SYNPO2: variants seen among roughly 807,000 people sequenced by gnomAD.
SYNPO2 encodes synaptopodin-2.
In SYNPO2, 56 loss-of-function variants were observed where a neutral mutation model predicts 85.0. The observed-to-expected ratio is 0.66, with a 90% CI of 0.53 to 0.82. The LOEUF is 0.82. SYNPO2 is among the 40% of genes least tolerant of loss of function. SYNPO2 has a pLI of 0.00. For missense variants in SYNPO2, 1,575 were observed against 1,534.2 expected (o/e 1.03, Z -0.44); for synonymous variants, 602 against 591.1 (o/e 1.02, Z -0.27).
chr4:119,004,638 T>G (rs2149174870), intron 1 of SYNPO2, among the ~76,000 whole-genome samples: 1 of 145,858 alleles, frequency 6.9e-6, no homozygotes, highest in East Asian at 2.0e-4. Flanking sequence ...GTTGGACATT[T>G]GGGTTGGTTC....
In SYNPO2 at chr4:119,057,983, G is replaced by C; in HGVS notation, c.*49G>C. 6.5e-7 allele frequency: 1 copy of C among 1,544,032 alleles called. No homozygotes were observed. The highest frequency in any genetic ancestry group is 1.4e-5 in the African/African-American group (1 of 72,134). On this transcript the variant is annotated 3_prime_UTR_variant, in exon 5 of 5. Transcript: ENST00000307142. The stretch of plus-strand genomic sequence containing the variant: ...CCAACTGTAGTTTTTTAAAAAAAAC[G>C]CTCCTTTGTAGGGTTTTAAACTTTT...
intron 1 of SYNPO2, among the ~76,000 whole-genome samples, chr4:118,987,131 A>G (rs549500983): frequency 5.3e-5 from 8 of 152,380 alleles, no homozygotes; most frequent in African/African-American, 1.7e-4. Context: ...CTAAATGGAC[A>G]CAGGAAAATG....
intron 1 of SYNPO2, among the ~76,000 whole-genome samples, chr4:118,911,824 C>G (rs74575090): frequency 6.6e-6 from 1 of 152,132 alleles, no homozygotes. Context: ...CAACTCCCCC[C>G]CTCCAATCCC....
chr4:118,974,184 A>G (rs888926023), intron 1 of SYNPO2, among the ~76,000 whole-genome samples: 5 of 152,252 alleles, frequency 3.3e-5, no homozygotes, highest in African/African-American at 1.2e-4. Context: ...TTAGTGCTCA[A>G]AGGGAATCAG....
chr4:119,041,432 A>C (rs12507195), intron 4 of SYNPO2, among the ~76,000 whole-genome samples: 146,665 of 152,210 alleles, frequency 0.96, 70,820 homozygotes, highest in Non-Finnish European at 1. Context: ...GTACTAATTT[A>C]AGGTTTCATT....
At chr4:119,003,061 T>G (rs1736881830) in intron 1 of SYNPO2, among the ~76,000 whole-genome samples, 1 of 152,220 alleles carries the variant, frequency 6.6e-6, no homozygotes, top group Admixed American at 6.5e-5. Context: ...TTTCCTTTTA[T>G]TTTTATCTTT....
chr4:118,888,737 T>G, upstream of SYNPO2: 1 of 422,014 alleles, frequency 2.4e-6, no homozygotes, highest in South Asian at 2.9e-5. Context: ...TTCTCCTGTG[T>G]GTGAAGCTGC....
At chr4:119,047,462 C>T (rs1738906576) in intron 4 of SYNPO2, among the ~76,000 whole-genome samples, 1 of 152,184 alleles carries the variant, frequency 6.6e-6, no homozygotes, top group African/African-American at 2.4e-5. Context: ...CAGAATGATA[C>T]TGTGTACTTC....
chr4:119,003,491 C>T (rs935524920), intron 1 of SYNPO2, among the ~76,000 whole-genome samples: 4 of 152,202 alleles, frequency 2.6e-5, no homozygotes, highest in African/African-American at 9.6e-5. Context: ...AGAAAATTTT[C>T]TCAACATTGT....
intron 1 of SYNPO2, among the ~76,000 whole-genome samples, chr4:119,011,465 G>A (rs1380158): frequency 0.41 from 61,663 of 151,964 alleles, 13,151 homozygotes; most frequent in South Asian, 0.58. Context: ...TGGTGGGACC[G>A]TTGCCTTTGC....
intron 1 of SYNPO2, among the ~76,000 whole-genome samples, chr4:118,978,489 T>A (rs1735875899): frequency 6.6e-6 from 1 of 152,196 alleles, no homozygotes; most frequent in Admixed American, 6.5e-5. Flanking sequence ...GCAGGGAAAC[T>A]TCGGCTATAC....
rs1049087483 is a variant in SYNPO2 at position 119,033,276 on chromosome 4, A to G, written c.3252+1249A>G. On this transcript the variant is annotated intron_variant, in intron 4 of 4. Transcript: ENST00000307142. ...CTTGTGTTTGCTTTGCTTTTTGACA[A>G]CTGCTTCTCCCACGTTCCTTGCAAT... The G allele has an allele frequency of 1.3e-5, 13 of 985,238 alleles. No individual in the cohort carries two copies. In the Admixed American group the frequency reaches 6.8e-4, roughly 51 times the overall value. 61.0% of individuals were successfully genotyped at this position (985,238 alleles called of 1,614,324 possible). A position where few individuals can be genotyped will look rare whatever the true frequency, so the allele number is the denominator to read the frequency against.
intron 1 of SYNPO2, among the ~76,000 whole-genome samples, chr4:118,880,324 A>G (rs2149110049): frequency 6.6e-6 from 1 of 152,330 alleles, no homozygotes; most frequent in South Asian, 2.1e-4. Context: ...ATGTCCCTCC[A>G]AGTTCATATG....
At chr4:118,931,755 G>A (rs2149133404) in intron 1 of SYNPO2, among the ~76,000 whole-genome samples, 1 of 152,140 alleles carries the variant, frequency 6.6e-6, no homozygotes, top group Admixed American at 6.5e-5. Flanking sequence ...CATTCCTTTG[G>A]CTAAATTGAA....
chr4:118,927,753 A>ATATAGACAGATAGAT (rs1560874335), intron 1 of SYNPO2, among the ~76,000 whole-genome samples: 72 of 142,986 alleles, frequency 5.0e-4, no homozygotes, highest in East Asian at 1.6e-3. Context: ...GATAGATGAT[A>ATATAGACAGATAGAT]GATAGATATA....
At position 119,031,462 on chromosome 4, in the gene SYNPO2, A is replaced by C; in HGVS notation, c.2687A>C (p.His896Pro). ...YVVDSDTVQAHAARAQSPTPS... is the reference protein window; with the variant it reads ...YVVDSDTVQAPAARAQSPTPS... Reference sequence around the variant, plus strand: ...GTCGATTCAGACACGGTGCAGGCCCACGCTGCTCGAGCTCAGTCTCCCACT... The same window carrying C: ...GTCGATTCAGACACGGTGCAGGCCCCCGCTGCTCGAGCTCAGTCTCCCACT... The change falls in exon 4 of 5, where the codon CAC (histidine) becomes CCC (proline). Residue 896 changes from histidine (H) to proline (P), a missense_variant. By Grantham distance (77) the His-to-Pro change is moderately conservative. This residue lies in a region of SYNPO2 where 1,508 missense variants were observed against 1,446.8 expected (regional missense o/e 1.04). Transcript: ENST00000307142. 2 of 1,614,094 alleles carry C rather than the reference A, an allele frequency of 1.2e-6. No homozygotes were observed. The highest frequency in any genetic ancestry group is 8.5e-7 in the Non-Finnish European group (1 of 1,180,018).
chr4:119,016,926 TC>T (rs1355347235), intron 1 of SYNPO2, among the ~76,000 whole-genome samples: 1 of 152,188 alleles, frequency 6.6e-6, no homozygotes, highest in Non-Finnish European at 1.5e-5. Context: ...TAGTTATTAC[TC>T]CAGGAACCTT....
At chr4:118,971,320 T>A (rs1735533996) in intron 1 of SYNPO2, among the ~76,000 whole-genome samples, 1 of 152,166 alleles carries the variant, frequency 6.6e-6, no homozygotes, top group East Asian at 1.9e-4. Context: ...CATGGATGGT[T>A]ATGTTATGCC....
chr4:119,016,551 T>G (rs1737534800), intron 1 of SYNPO2, among the ~76,000 whole-genome samples: 1 of 152,142 alleles, frequency 6.6e-6, no homozygotes, highest in African/African-American at 2.4e-5. Context: ...TTATTAGGAG[T>G]TTTTTAAAAA....
Sources: allele counts gnomAD v4.1 joint callset (sites outside exome capture counted in the v4.1 genomes callset), GRCh38; gene constraint gnomAD v4.1.1; regional missense constraint gnomAD v4.1.1; transcripts MANE v1.5; gene names NCBI Gene and HGNC (gene_info 2026-07-23, HGNC 2026-07-21).